DNMBP: variants seen among roughly 807,000 people sequenced by gnomAD.
The protein encoded by DNMBP is dynamin binding protein, also known as dynamin-binding protein.
In DNMBP, 87 loss-of-function variants were observed where a neutral mutation model predicts 150.0. The observed-to-expected ratio is 0.58, with a 90% confidence interval of 0.49 to 0.69. The LOEUF (loss-of-function observed/expected upper bound fraction) is 0.69. Among genes scored for constraint, DNMBP ranks in the 30% least tolerant of loss-of-function variants. DNMBP has a pLI of 0.00. For synonymous variants in DNMBP, 711 were observed against 750.4 expected (o/e 0.95, Z 0.86); for missense variants, 1,774 against 1,949.0 (o/e 0.91, Z 1.69).
At chr10:99,915,609 G>A (rs186841670) in intron 4 of DNMBP, among the ~76,000 whole-genome samples, 60 of 152,182 alleles carry the variant, frequency 3.9e-4, no homozygotes, top group African/African-American at 1.3e-3. Context: ...CAGCTACTCC[G>A]AAGGCTGAAG....
In DNMBP at chr10:99,960,321, T is replaced by C. The variant is rs369781266; in HGVS notation, c.269-3116A>G. 3.3e-5 allele frequency among the ~76,000 whole-genome samples: 5 copies of C among 152,326 alleles called. No homozygotes were observed. The East Asian group carries it at 9.6e-4, about 29-fold the overall frequency. The stretch of plus-strand genomic sequence containing the variant: ...TTAAGATTAAAGTTAATCTTACCTA[T>C]ACTTTTATAGTTAAAATTTCTTTCT... On this transcript the variant is annotated intron_variant, in intron 3 of 16. Transcript: ENST00000324109.
intron 4 of DNMBP, chr10:99,929,996 C>A (rs1382114215): frequency 1.3e-5 from 9 of 702,814 alleles, no homozygotes; most frequent in Non-Finnish European, 2.3e-5. Context: ...CACCCTGATC[C>A]ATAATATGAG....
At chr10:99,995,868 C>T (rs529759425) in intron 1 of DNMBP, among the ~76,000 whole-genome samples, 1 of 152,374 alleles carries the variant, frequency 6.6e-6, no homozygotes, top group Non-Finnish European at 1.5e-5. Flanking sequence ...TGGAGTCACC[C>T]AGGTGCTGCC....
At chr10:99,887,481 T>C (rs2490930) in intron 12 of DNMBP, among the ~76,000 whole-genome samples, 14,982 of 151,202 alleles carry the variant, frequency 0.099, 1,320 homozygotes, top group African/African-American at 0.24. Flanking sequence ...GAGCAGAGAT[T>C]GTGCCACTGC....
chr10:99,961,315 A>G (rs2040562675), intron 3 of DNMBP, among the ~76,000 whole-genome samples: 2 of 112,164 alleles, frequency 1.8e-5, no homozygotes, highest in African/African-American at 7.3e-5. Context: ...TCACCCTATC[A>G]CCAAGGCTGA....
At position 99,974,089 on chromosome 10, in the gene DNMBP, G is replaced by A. The variant is rs914712756; in HGVS notation, c.-10-1955C>T. 9.2e-5 allele frequency among the ~76,000 whole-genome samples: 14 copies of A among 152,078 alleles called. 1 individual carries two copies. Among genetic ancestry groups the A allele is most frequent in the Non-Finnish European group, 2.1e-4 (14 of 68,040 alleles). Reference sequence around the variant, plus strand: ...GGATCAATTGCAGTCAGGAGTTCAAGACCAACGTGGGCAACACAGCACGAC... The same window carrying A: ...GGATCAATTGCAGTCAGGAGTTCAAAACCAACGTGGGCAACACAGCACGAC... On this transcript the variant is annotated intron_variant, in intron 1 of 16. Coordinates refer to ENST00000324109, the MANE Select transcript of DNMBP (RefSeq NM_015221.4).
chr10:99,974,857 G>T (rs907816510), intron 1 of DNMBP, among the ~76,000 whole-genome samples: 4 of 152,208 alleles, frequency 2.6e-5, no homozygotes, highest in African/African-American at 9.6e-5. Context: ...TCGATATCCA[G>T]GGCTCAAGCA....
At chr10:99,919,908 T>G (rs1032304093) in intron 4 of DNMBP, among the ~76,000 whole-genome samples, 2 of 152,216 alleles carry the variant, frequency 1.3e-5, no homozygotes, top group Non-Finnish European at 2.9e-5. Flanking sequence ...AACTAGATGG[T>G]CTTTAAAGTT....
At chr10:99,913,546 G>A (rs1490034035) in intron 4 of DNMBP, among the ~76,000 whole-genome samples, 1 of 152,084 alleles carries the variant, frequency 6.6e-6, no homozygotes, top group Non-Finnish European at 1.5e-5. Flanking sequence ...AGGATAGCCC[G>A]GCAGGTGTTA....
chr10:99,900,440 A>G (rs1029785957), intron 6 of DNMBP, among the ~76,000 whole-genome samples: 9 of 151,182 alleles, frequency 6.0e-5, no homozygotes, highest in Non-Finnish European at 1.3e-4. Context: ...AATTTTTTGT[A>G]TTTTTGGTAG....
chr10:99,986,794 C>G (rs1244969633), intron 1 of DNMBP, among the ~76,000 whole-genome samples: 1 of 152,032 alleles, frequency 6.6e-6, no homozygotes, highest in Non-Finnish European at 1.5e-5. Flanking sequence ...TAAAAACAGT[C>G]TATGACTCTT....
chr10:99,989,655 G>T (rs1441843851), intron 1 of DNMBP, among the ~76,000 whole-genome samples: 1 of 152,160 alleles, frequency 6.6e-6, no homozygotes, highest in Non-Finnish European at 1.5e-5. Flanking sequence ...AGGTTGCAGT[G>T]AGCCGAGATC....
At chr10:99,958,907 T>G (rs988260141) in intron 3 of DNMBP, among the ~76,000 whole-genome samples, 3 of 152,234 alleles carry the variant, frequency 2.0e-5, no homozygotes, top group African/African-American at 4.8e-5. Flanking sequence ...CGTAAGAAAT[T>G]ACCAATCGTT....
intron 14 of DNMBP, among the ~76,000 whole-genome samples, chr10:99,884,958 T>G (rs992975530): frequency 6.6e-6 from 1 of 152,224 alleles, no homozygotes; most frequent in South Asian, 2.1e-4. Flanking sequence ...TATGGGATCA[T>G]ATGGGGCAAA....
At chr10:99,934,106 C>T (rs1158332137) in intron 4 of DNMBP, among the ~76,000 whole-genome samples, 1 of 152,126 alleles carries the variant, frequency 6.6e-6, no homozygotes, top group African/African-American at 2.4e-5. Flanking sequence ...TGCAGAAATA[C>T]AGGACCAAGA....
Position 99,925,494 on chromosome 10 carries a change from C to T in DNMBP, c.2261-16348G>A, listed in dbSNP as rs2040069101. On this transcript the variant is annotated intron_variant, in intron 4 of 16. Transcript: ENST00000324109. Reference sequence around the variant, plus strand: ...GCAGTGGCACAATCTCAGCTCACTGCAACCTCCACCTCCTGGGTTCAAGCG... The same window carrying T: ...GCAGTGGCACAATCTCAGCTCACTGTAACCTCCACCTCCTGGGTTCAAGCG... Among the ~76,000 whole-genome samples, 3 of 152,134 alleles carry T rather than the reference C, an allele frequency of 2.0e-5. No individual in the cohort carries two copies. The South Asian group carries it at 6.2e-4, about 32-fold the overall frequency.
At chr10:99,885,906 A>C in intron 13 of DNMBP, 40 bp from the exon 14 acceptor site, 1 of 1,520,174 alleles carries the variant, frequency 6.6e-7, no homozygotes, top group Non-Finnish European at 8.9e-7. Flanking sequence ...GAAAAGAAGA[A>C]AACACGATAA....
chr10:99,913,845 TG>T, intron 4 of DNMBP: 1 of 1,167,744 alleles, frequency 8.6e-7, no homozygotes, highest in Non-Finnish European at 1.1e-6. Flanking sequence ...CTATCTCTAA[TG>T]GGGAAAATTT....
chr10:99,884,879 G>A (rs1236117830), intron 14 of DNMBP, among the ~76,000 whole-genome samples: 1 of 152,108 alleles, frequency 6.6e-6, no homozygotes, highest in Non-Finnish European at 1.5e-5. Context: ...ATTCCAGCCT[G>A]GGTGACAGAG....
Sources: gnomAD v4.1 joint callset for allele counts (sites outside exome capture counted in the v4.1 genomes callset) on GRCh38, gnomAD v4.1.1 for gene constraint, MANE v1.5 for transcripts, NCBI Gene and HGNC (gene_info 2026-07-23, HGNC 2026-07-21) for gene names.